The following NPAS2 variants were observed in gnomAD, a reference collection of about 807,000 sequenced individuals.
NPAS2 encodes the protein neuronal PAS domain-containing protein 2.
A neutral mutation model predicts 107.5 loss-of-function variants in NPAS2; 23 were observed. That is an observed-to-expected ratio of 0.21 (90% CI 0.15 to 0.30). The LOEUF (loss-of-function observed/expected upper bound fraction) is 0.30. NPAS2 is among the 10% of genes least tolerant of loss of function. The probability of loss-of-function intolerance (pLI) is 1.00; values close to 1 mark genes in which losing one functional copy is unlikely to be tolerated. For synonymous variants in NPAS2, 403 were observed against 417.5 expected, an observed-to-expected ratio of 0.97 and a Z score of 0.42; for missense variants, 756 against 1,043.3, an observed-to-expected ratio of 0.72 and a Z score of 3.79.
At position 100,995,743 on chromosome 2, in the gene NPAS2, T is replaced by C. The variant is rs1435004688; in HGVS notation, c.*161T>C. ...GGTAACCATCTCTGGAGTGCAGCGC[T>C]TGCTGCAGTGGAAATGATCAGGAAT... is the stretch of plus-strand genomic sequence containing the variant. On this transcript the variant is annotated 3_prime_UTR_variant, in exon 21 of 21. Coordinates refer to ENST00000335681, the MANE Select transcript of NPAS2 (RefSeq NM_002518.4). 1 of 1,549,436 alleles carries C rather than the reference T, an allele frequency of 6.5e-7. No homozygotes were observed. The highest frequency in any genetic ancestry group is 1.4e-5 in the African/African-American group (1 of 73,038).
At chr2:100,904,233 C>T (rs772619223) in intron 1 of NPAS2, among the ~76,000 whole-genome samples, 25 of 152,130 alleles carry the variant, frequency 1.6e-4, no homozygotes, top group Admixed American at 6.5e-4. Flanking sequence ...GTGTCGCTAA[C>T]GGATCCCAGG....
At chr2:100,931,676 C>T (rs557139604) in intron 3 of NPAS2, among the ~76,000 whole-genome samples, 71 of 152,028 alleles carry the variant, frequency 4.7e-4, no homozygotes, top group African/African-American at 1.6e-3. Flanking sequence ...TTAGTAGAGA[C>T]GGGGTTTCAC....
chr2:100,965,638 A>G lies in NPAS2; in HGVS notation c.801-22A>G, dbSNP rs1289974083. ...GCAGGGTGTCTCCTCCCTGATGACA[A>G]GTCCTCCTTGTCCTTGTGCAGAGCA... On this transcript the variant is annotated intron_variant, in intron 9 of 20. Transcript: ENST00000335681. This position sits in a 1 kb window ranked among gnomAD's most constrained non-coding sequence, Gnocchi z 4.3. The G allele has an allele frequency of 6.4e-7, 1 of 1,563,936 alleles. No homozygotes were observed. Among genetic ancestry groups the G allele is most frequent in the South Asian group, 1.1e-5 (1 of 89,664 alleles).
chr2:100,928,496 G>A (rs1420600287), intron 3 of NPAS2, among the ~76,000 whole-genome samples: 2 of 151,860 alleles, frequency 1.3e-5, no homozygotes, highest in African/African-American at 2.4e-5. Flanking sequence ...TCAAATCTGG[G>A]CCCTGGAAAG....
At chr2:100,914,935 T>G (rs1039593515) in intron 2 of NPAS2, among the ~76,000 whole-genome samples, 1 of 152,150 alleles carries the variant, frequency 6.6e-6, no homozygotes, top group African/African-American at 2.4e-5. Context: ...TTTTTTCCCC[T>G]GTAATATCTC....
At chr2:100,964,837 T>G in intron 8 of NPAS2, 24 bp from the exon 9 acceptor site, 1 of 1,551,670 alleles carries the variant, frequency 6.4e-7, no homozygotes, top group Non-Finnish European at 8.7e-7. Flanking sequence ...AGCAACTTTT[T>G]TTTTTTTTCT....
intron 2 of NPAS2, among the ~76,000 whole-genome samples, chr2:100,917,796 G>C (rs1015617997): frequency 6.6e-6 from 1 of 152,124 alleles, no homozygotes; most frequent in Non-Finnish European, 1.5e-5. Flanking sequence ...CTAAGAAATT[G>C]AATTTGTATT....
chr2:100,863,799 A>G, intron 1 of NPAS2, among the ~76,000 whole-genome samples: 1 of 152,132 alleles, frequency 6.6e-6, no homozygotes, highest in Non-Finnish European at 1.5e-5. Flanking sequence ...TCTAATGTAT[A>G]TATGTATATA....
rs1679274748 is a variant in NPAS2 at position 100,866,635 on chromosome 2, G to T, written c.-22-38098G>T. 5.3e-5 allele frequency among the ~76,000 whole-genome samples: 8 copies of T among 152,310 alleles called. No homozygotes were observed. In the South Asian group the frequency reaches 1.7e-3, roughly 32 times the overall value. ...TTACAGTGCCACAGGGAAAGGCAAA[G>T]AACATCTAGTAGTAGTGTAGGATCT... On this transcript the variant is annotated intron_variant, in intron 1 of 20. Transcript: ENST00000335681.
At chr2:100,850,011 TAAAAAAAAAAAAA>T (rs58359292) in intron 1 of NPAS2, among the ~76,000 whole-genome samples, 1 of 56,210 alleles carries the variant, frequency 1.8e-5, no homozygotes, top group Non-Finnish European at 3.0e-5. Flanking sequence ...ACTCTTTTTG[TAAAAAAAAAAAAA>T]AAAAAAAAAA....
At chr2:100,954,859 G>GTT (rs201270741) in intron 7 of NPAS2, among the ~76,000 whole-genome samples, 2 of 133,400 alleles carry the variant, frequency 1.5e-5, no homozygotes, top group African/African-American at 5.5e-5. Flanking sequence ...TCATTTTTTT[G>GTT]TTTTTTTTGT....
chr2:100,839,469 G>A (rs984517819), intron 1 of NPAS2, among the ~76,000 whole-genome samples: 1 of 152,090 alleles, frequency 6.6e-6, no homozygotes, highest in Non-Finnish European at 1.5e-5. Flanking sequence ...TCCATTTAGT[G>A]AAGAGTAGAT....
chr2:100,995,906 T>C lies in NPAS2; in HGVS notation c.*324T>C. ...CGCATCTCGCTGCATCCCCCGAGAGTACACCGGTTGCTCTAGCCACCTGCG... is the reference window on the plus strand; with the variant it reads ...CGCATCTCGCTGCATCCCCCGAGAGCACACCGGTTGCTCTAGCCACCTGCG... On this transcript the variant is annotated 3_prime_UTR_variant, in exon 21 of 21. Coordinates refer to ENST00000335681, the MANE Select transcript of NPAS2 (RefSeq NM_002518.4). 7.0e-7 allele frequency: 1 copy of C among 1,434,508 alleles called. No homozygotes were observed. Among genetic ancestry groups the C allele is most frequent in the Non-Finnish European group, 9.3e-7 (1 of 1,079,872 alleles). The allele number at this position is 1,434,508 out of a possible 1,614,324, so 88.9% of individuals were successfully genotyped here.
Position 100,990,398 on chromosome 2 carries a change from C to T in NPAS2, c.1970C>T (p.Ala657Val). The part of the protein sequence containing the change: ...LTTPASTSQD[A>V]SQCQPSPDFS... ...ACACCTGCTTCCACCTCCCAGGATG[C>T]CAGCCAGTGCCAGCCCAGCCCAGAC... Residue 657 changes from alanine to valine, a missense_variant, in exon 18 of 21, where the codon GCC becomes GTC. This residue lies in a region of NPAS2 where 496 missense variants were observed against 594.4 expected (regional missense o/e 0.83). Transcript: ENST00000335681. 6.2e-7 allele frequency: 1 copy of T among 1,614,220 alleles called. No individual in the cohort carries two copies. Among genetic ancestry groups the T allele is most frequent in the Non-Finnish European group, 8.5e-7 (1 of 1,180,034 alleles).
intron 1 of NPAS2, among the ~76,000 whole-genome samples, chr2:100,826,733 A>G (rs1676408155): frequency 6.6e-6 from 1 of 152,118 alleles, no homozygotes; most frequent in Non-Finnish European, 1.5e-5. Flanking sequence ...GTAAAGGCAC[A>G]CCTGTTTGAA....
rs556557078 is a variant in NPAS2 at position 100,965,035 on chromosome 2, G to A, written c.800+92G>A. On this transcript the variant is annotated intron_variant, in intron 9 of 20. Transcript: ENST00000335681. The surrounding 1 kb of genome is among the most constrained non-coding windows in gnomAD (Gnocchi z 4.3). ...TCCTTGGGAGAGAAGAGTCGGCCCT[G>A]GTCCATTGAAAGAGGAGGACTCTCT... 14 of 796,854 alleles carry A rather than the reference G, an allele frequency of 1.8e-5. No homozygotes were observed. The highest frequency in any genetic ancestry group is 2.4e-4 in the Middle Eastern group (1 of 4,242). The allele number at this position is 796,854 out of a possible 1,614,324, so 49.4% of individuals were successfully genotyped here.
At chr2:100,928,327 A>G (rs1683708798) in intron 3 of NPAS2, among the ~76,000 whole-genome samples, 1 of 152,086 alleles carries the variant, frequency 6.6e-6, no homozygotes, top group African/African-American at 2.4e-5. Flanking sequence ...GCCAAGTGAA[A>G]TAGCAGGTTG....
intron 1 of NPAS2, among the ~76,000 whole-genome samples, chr2:100,852,396 C>CA (rs1337585434): frequency 1.3e-5 from 2 of 151,284 alleles, no homozygotes; most frequent in Non-Finnish European, 2.9e-5. Context: ...GACTCCATCT[C>CA]AAAAAAAATA....
At chr2:100,821,897 G>A (rs1422808900) in intron 1 of NPAS2, among the ~76,000 whole-genome samples, 1 of 152,214 alleles carries the variant, frequency 6.6e-6, no homozygotes, top group East Asian at 1.9e-4. Context: ...TCATTACAGC[G>A]CTAAACCAGG....
Sources: gnomAD v4.1 joint callset for allele counts (sites outside exome capture counted in the v4.1 genomes callset) on GRCh38, gnomAD v4.1.1 for gene constraint, gnomAD v4.1.1 regional missense constraint, Gnocchi (gnomAD v3.1) non-coding constraint, MANE v1.5 for transcripts, NCBI Gene and HGNC (gene_info 2026-07-23, HGNC 2026-07-21) for gene names.